SPATA18: variants seen among roughly 807,000 people sequenced by gnomAD.
SPATA18 encodes the protein mitochondria-eating protein.
SPATA18 carries 54 observed loss-of-function variants against 68.1 expected under a neutral mutation model. That is an observed-to-expected ratio of 0.79 (90% CI 0.64 to 0.99). The LOEUF (loss-of-function observed/expected upper bound fraction) is 0.99. SPATA18 is among the 50% of genes least tolerant of loss of function. The pLI is 0.00. For missense variants in SPATA18, 724 were observed against 681.1 expected (o/e 1.06, Z -0.70); for synonymous variants, 242 against 244.8 (o/e 0.99, Z 0.11).
intron 11 of SPATA18, among the ~76,000 whole-genome samples, chr4:52,094,204 A>C (rs1169577080): frequency 6.6e-6 from 1 of 152,172 alleles, no homozygotes; most frequent in African/African-American, 2.4e-5. Flanking sequence ...AATTTTTATA[A>C]AGGATCTCCC....
chr4:52,073,847 C>A (rs1393671185), intron 6 of SPATA18, among the ~76,000 whole-genome samples: 1 of 152,132 alleles, frequency 6.6e-6, no homozygotes, highest in Non-Finnish European at 1.5e-5. Context: ...TTCCACTTTT[C>A]CAGACACATT....
intron 1 of SPATA18, among the ~76,000 whole-genome samples, chr4:52,055,760 A>C (rs1209026831): frequency 1.3e-5 from 2 of 152,152 alleles, no homozygotes; most frequent in African/African-American, 4.8e-5. Context: ...GCTTTCCTGA[A>C]ACTTCGTGGC....
intron 9 of SPATA18, among the ~76,000 whole-genome samples, chr4:52,081,481 G>A (rs1740913294): frequency 3.9e-5 from 6 of 152,184 alleles, no homozygotes; most frequent in Admixed American, 3.9e-4. Flanking sequence ...GGGACTTCTT[G>A]ACAAATAGAT....
At chr4:52,079,957 T>G in intron 9 of SPATA18, 38 bp downstream of exon 9, 1 of 1,583,782 alleles carries the variant, frequency 6.3e-7, no homozygotes, top group Non-Finnish European at 8.6e-7. Context: ...GGATTTATCA[T>G]GAATACATTG....
In SPATA18 at chr4:52,072,159, C is replaced by A; in HGVS notation, c.758+3C>A. ...GAGAAAAGTGCACTCCAAGGAAGGT[C>A]AGACAAACTCTCAAAGATCTTCTCA... On this transcript the variant is annotated splice_donor_region_variant and intron_variant, in intron 6 of 12. Transcript: ENST00000295213. 1 of 1,613,486 alleles carries A rather than the reference C, an allele frequency of 6.2e-7. No homozygotes were observed. The highest frequency in any genetic ancestry group is 1.1e-5 in the South Asian group (1 of 90,998).
chr4:52,084,716 T>C (rs1393816095), intron 10 of SPATA18, among the ~76,000 whole-genome samples, 200 bp from the exon 11 acceptor site: 2 of 152,200 alleles, frequency 1.3e-5, no homozygotes, highest in Non-Finnish European at 2.9e-5. Flanking sequence ...GGATTATATT[T>C]AAAAAGTACC....
At chr4:52,084,050 CAAA>C (rs34421319) in intron 10 of SPATA18, among the ~76,000 whole-genome samples, 15 of 129,398 alleles carry the variant, frequency 1.2e-4, no homozygotes, top group Non-Finnish European at 1.5e-4. Flanking sequence ...GAGATCCTGT[CAAA>C]AAAAAAAAAA....
Position 52,051,539 on chromosome 4 carries a change from C to T in SPATA18, c.-166C>T. 1.5e-6 allele frequency: 1 copy of T among 670,126 alleles called. No individual in the cohort carries two copies. The highest frequency in any genetic ancestry group is 2.6e-5 in the Admixed American group (1 of 38,400). 41.5% of individuals were successfully genotyped at this position (670,126 alleles called of 1,614,324 possible). ...GCACCTCCCCTCTGGCTTCCCGAAC[C>T]CGGCCAGGTCCGACCCGAGGGGGAG... is the stretch of plus-strand genomic sequence containing the variant. On this transcript the variant is annotated 5_prime_UTR_variant, in exon 1 of 13. Coordinates refer to ENST00000295213, the MANE Select transcript of SPATA18 (RefSeq NM_145263.4).
At chr4:52,058,272 T>C (rs1380854) in intron 1 of SPATA18, among the ~76,000 whole-genome samples, 88,234 of 151,640 alleles carry the variant, frequency 0.58, 29,331 homozygotes, top group Middle Eastern at 0.77. Flanking sequence ...CAAAGCAATA[T>C]CATTTTTAAA....
chr4:52,089,233 C>T (rs1344591378), intron 11 of SPATA18, among the ~76,000 whole-genome samples: 1 of 151,944 alleles, frequency 6.6e-6, no homozygotes, highest in African/African-American at 2.4e-5. Flanking sequence ...TTAAAAAAAC[C>T]AGCTCCTGGA....
intron 7 of SPATA18, chr4:52,078,479 C>T (rs1740609415): frequency 3.0e-6 from 1 of 336,830 alleles, no homozygotes; most frequent in African/African-American, 2.1e-5. Context: ...TCTGCACTGT[C>T]CTGCTTCCTG....
At chr4:52,068,826 T>C (rs1438736845) in intron 4 of SPATA18, among the ~76,000 whole-genome samples, 2 of 152,202 alleles carry the variant, frequency 1.3e-5, no homozygotes, top group Non-Finnish European at 2.9e-5. Flanking sequence ...GGCAACTTCA[T>C]TGAGGACCAT....
At chr4:52,062,190 T>G (rs1738920575) in intron 3 of SPATA18, 30 bp from the exon 4 acceptor site, 12 of 1,024,618 alleles carry the variant, frequency 1.2e-5, no homozygotes, top group African/African-American at 1.6e-5. Context: ...CAGACTGTTT[T>G]TTTTTTTTTT....
chr4:52,090,259 T>C (rs1347108348), intron 11 of SPATA18, among the ~76,000 whole-genome samples: 2 of 152,202 alleles, frequency 1.3e-5, no homozygotes, highest in Admixed American at 1.3e-4. Flanking sequence ...GTCTTTTAAT[T>C]GGGGCATTTA....
At position 52,062,265 on chromosome 4, in the gene SPATA18, C is replaced by T. The variant is rs372883266; in HGVS notation, c.355C>T (p.Arg119Trp). 1.5e-5 allele frequency: 24 copies of T among 1,604,814 alleles called. No homozygotes were observed. The highest frequency in any genetic ancestry group is 2.7e-5 in the African/African-American group (2 of 73,814). ...ERHKDPSPRD[R>W]DMQQLDSNLN... ...ACATAAAGATCCCAGTCCTCGGGAT[C>T]GGGATATGCAACAGTTAGACTCTAA... Residue 119 changes from arginine (R) to tryptophan (W), a missense_variant, in exon 4 of 13, where the codon CGG (arginine) becomes TGG (tryptophan). Transcript: ENST00000295213.
At chr4:52,053,226 C>A (rs2109397068) in intron 1 of SPATA18, among the ~76,000 whole-genome samples, 1 of 152,266 alleles carries the variant, frequency 6.6e-6, no homozygotes, top group South Asian at 2.1e-4. Context: ...TAGAAACTCC[C>A]TGTAAGTGAT....
intron 10 of SPATA18, among the ~76,000 whole-genome samples, chr4:52,084,050 CA>C (rs34421319): frequency 0.81 from 105,485 of 129,432 alleles, 46,274 homozygotes; most frequent in East Asian, 0.99. Flanking sequence ...GAGATCCTGT[CA>C]AAAAAAAAAA....
At chr4:52,083,492 G>C in intron 10 of SPATA18, 3 of 985,112 alleles carry the variant, frequency 3.0e-6, no homozygotes, top group Non-Finnish European at 3.6e-6. Flanking sequence ...GCCCACACCT[G>C]TAATCCTAGC....
intron 6 of SPATA18, 35 bp from the exon 7 acceptor site, chr4:52,076,744 A>G (rs2109477997): frequency 6.2e-7 from 1 of 1,603,808 alleles, no homozygotes; most frequent in Non-Finnish European, 8.5e-7. Flanking sequence ...AAGCAAATCA[A>G]AGGATTTCCC....
Sources: gnomAD v4.1 joint callset for allele counts (sites outside exome capture counted in the v4.1 genomes callset) on GRCh38, gnomAD v4.1.1 for gene constraint, MANE v1.5 for transcripts, NCBI Gene and HGNC (gene_info 2026-07-23, HGNC 2026-07-21) for gene names.